Variants in SOX6 observed in about 807,000 individuals in gnomAD.
The protein encoded by SOX6 is SRY-box transcription factor 6, also known as transcription factor SOX-6.
SOX6 carries 11 observed loss-of-function variants against 97.8 expected under a neutral mutation model. The observed-to-expected ratio is 0.11, with a 90% CI of 0.07 to 0.19. SOX6 has a LOEUF of 0.19. SOX6 is among the 10% of genes least tolerant of loss of function. SOX6 has a pLI of 1.00. For synonymous variants in SOX6, 360 were observed against 371.4 expected (o/e 0.97, Z 0.35); for missense variants, 810 against 1,039.5 (o/e 0.78, Z 3.04).
At chr11:16,359,736 T>C (rs575535903), upstream of SOX6, among the ~76,000 whole-genome samples, 5 of 152,172 alleles carry the variant, frequency 3.3e-5, no homozygotes, top group African/African-American at 1.2e-4. Context: ...GGAAATAATA[T>C]GAATAATCAC....
rs190084669 is a variant in SOX6 at position 15,972,597 on chromosome 11, A to C, written c.*212T>G. 439 of 598,474 alleles carry C rather than the reference A, an allele frequency of 7.3e-4. 3 individuals are homozygous for C. Among genetic ancestry groups the C allele is most frequent in the East Asian group, 4.0e-3 (142 of 35,378 alleles). The allele number at this position is 598,474 out of a possible 1,614,324, so 37.1% of individuals were successfully genotyped here. The stretch of plus-strand genomic sequence containing the variant: ...TAATATGTCTTCACCTAAATTAAAA[A>C]AACAACAACAACAACAATAACAATA... On this transcript the variant is annotated 3_prime_UTR_variant, in exon 16 of 16. Coordinates refer to ENST00000683767, the MANE Select transcript of SOX6 (RefSeq NM_001367873.1).
intron 13 of SOX6, among the ~76,000 whole-genome samples, chr11:16,014,257 C>T (rs922177844): frequency 2.0e-4 from 31 of 152,170 alleles, no homozygotes; most frequent in African/African-American, 5.1e-4. Flanking sequence ...GGAAAAGAAG[C>T]GAACAGGCAT....
intron 9 of SOX6, among the ~76,000 whole-genome samples, chr11:16,068,315 C>G (rs548168512): frequency 6.6e-6 from 1 of 152,260 alleles, no homozygotes; most frequent in South Asian, 2.1e-4. Flanking sequence ...GAAATGGTGA[C>G]AGGCGTAATT....
rs189110076 is a variant in SOX6 at position 16,415,630 on chromosome 11, A to G, written c.-5+60685T>C. 1.4e-3 allele frequency among the ~76,000 whole-genome samples: 208 copies of G among 152,332 alleles called. 2 individuals are homozygous for G. The highest frequency in any genetic ancestry group is 2.3e-3 in the Admixed American group (35 of 15,292). On this transcript the variant is annotated intron_variant, in intron 1 of 15. Coordinates refer to the SOX6 transcript ENST00000396356. ...ATATGCTAATTACCCTGATTTGATC[A>G]TTACATATTGTATACCGATATTGAA...
chr11:16,479,715 T>C (rs12275963), upstream of SOX6, among the ~76,000 whole-genome samples: 328 of 152,196 alleles, frequency 2.2e-3, no homozygotes, highest in Admixed American at 4.9e-3. Flanking sequence ...CAAAAACTGG[T>C]ATTGGTGAGA....
chr11:16,541,729 G>T (rs574301743), intron 4 of SOX6, among the ~76,000 whole-genome samples: 1 of 152,288 alleles, frequency 6.6e-6, no homozygotes, highest in South Asian at 2.1e-4. Context: ...ATCATCACTG[G>T]TTATCAGAGA....
At chr11:16,500,046 A>C (rs182790663) in intron 4 of SOX6, among the ~76,000 whole-genome samples, 7 of 152,236 alleles carry the variant, frequency 4.6e-5, no homozygotes, top group Non-Finnish European at 7.3e-5. Flanking sequence ...ATGAACATCA[A>C]TGCAAAAATC....
chr11:16,190,415 T>C (rs777298358), intron 4 of SOX6, among the ~76,000 whole-genome samples: 3 of 152,142 alleles, frequency 2.0e-5, no homozygotes, highest in Non-Finnish European at 4.4e-5. Context: ...TTTAAAATAA[T>C]AACAACACAA....
At chr11:16,212,552 T>G (rs1039104461) in intron 4 of SOX6, among the ~76,000 whole-genome samples, 3 of 152,168 alleles carry the variant, frequency 2.0e-5, no homozygotes, top group African/African-American at 7.2e-5. Context: ...AATGCTATAA[T>G]GAACATTCTT....
intron 1 of SOX6, among the ~76,000 whole-genome samples, chr11:16,738,247 A>C (rs1848409366): frequency 6.6e-6 from 1 of 152,080 alleles, no homozygotes; most frequent in South Asian, 2.1e-4. Flanking sequence ...TTTTTGGTTA[A>C]GGTTTTTGTC....
intron 3 of SOX6, among the ~76,000 whole-genome samples, chr11:16,642,785 C>G (rs967149133): frequency 2.0e-5 from 3 of 152,188 alleles, no homozygotes; most frequent in African/African-American, 7.2e-5. Context: ...AAGGGCTTCT[C>G]TACATTGGTT....
intron 1 of SOX6, among the ~76,000 whole-genome samples, chr11:16,376,883 G>A (rs1350785778): frequency 6.6e-6 from 1 of 151,864 alleles, no homozygotes; most frequent in Non-Finnish European, 1.5e-5. Flanking sequence ...ATAAGGGAAG[G>A]GAAAGGAGAG....
chr11:15,996,293 A>T (rs1193428132), intron 13 of SOX6, among the ~76,000 whole-genome samples: 1 of 152,174 alleles, frequency 6.6e-6, no homozygotes, highest in Non-Finnish European at 1.5e-5. Context: ...AAGGATACTC[A>T]ATTAAGGTTT....
intron 3 of SOX6, among the ~76,000 whole-genome samples, chr11:16,677,944 T>C (rs142928770): frequency 2.0e-4 from 30 of 152,308 alleles, no homozygotes; most frequent in East Asian, 1.2e-3. Context: ...TTTTAAGAAA[T>C]TGATTTCAAT....
At chr11:16,288,653 A>C (rs561457921) in intron 3 of SOX6, among the ~76,000 whole-genome samples, 138 of 152,136 alleles carry the variant, frequency 9.1e-4, no homozygotes, top group Non-Finnish European at 1.6e-3. Context: ...AATATATATA[A>C]GCCTATGAGG....
intron 4 of SOX6, among the ~76,000 whole-genome samples, chr11:16,492,781 AAAG>A (rs1376274457): frequency 1.3e-5 from 2 of 152,216 alleles, no homozygotes; most frequent in African/African-American, 4.8e-5. Flanking sequence ...CAAATCAATA[AAAG>A]AAGACAAGAA....
upstream of SOX6, among the ~76,000 whole-genome samples, chr11:16,478,501 T>C (rs1393114062): frequency 6.6e-6 from 1 of 152,332 alleles, no homozygotes; most frequent in Non-Finnish European, 1.5e-5. Context: ...ACAAAGTCAA[T>C]AAATCTTATT....
At chr11:16,292,504 A>G (rs529152118) in intron 3 of SOX6, among the ~76,000 whole-genome samples, 279 of 152,224 alleles carry the variant, frequency 1.8e-3, no homozygotes, top group South Asian at 0.015. Flanking sequence ...CTATAGAATA[A>G]GTGAAAAAAA....
chr11:16,462,942 A>C (rs1023767317), intron 1 of SOX6, among the ~76,000 whole-genome samples: 1 of 152,212 alleles, frequency 6.6e-6, no homozygotes, highest in African/African-American at 2.4e-5. Context: ...TTCTAGAGAG[A>C]ACTATCACCA....
Sources: gnomAD v4.1 joint callset for allele counts (sites outside exome capture counted in the v4.1 genomes callset) on GRCh38, gnomAD v4.1.1 for gene constraint, MANE v1.5 for transcripts, NCBI Gene and HGNC (gene_info 2026-07-23, HGNC 2026-07-21) for gene names.